SLC2A10: variants seen among roughly 807,000 people sequenced by gnomAD.
The protein encoded by SLC2A10 is solute carrier family 2, facilitated glucose transporter member 10.
A neutral mutation model predicts 32.1 loss-of-function variants in SLC2A10; 25 were observed. That is an observed-to-expected ratio of 0.78 (90% CI 0.57 to 1.09). The LOEUF is 1.09. Among genes scored for constraint, SLC2A10 ranks in the 50% least tolerant of loss-of-function variants. The pLI is 0.00. For missense variants in SLC2A10, 673 were observed against 686.5 expected (o/e 0.98, Z 0.22); for synonymous variants, 332 against 309.6 (o/e 1.07, Z -0.76).
chr20:46,711,139 G>T (rs1978887304), intron 1 of SLC2A10, among the ~76,000 whole-genome samples: 1 of 152,222 alleles, frequency 6.6e-6, no homozygotes, highest in South Asian at 2.1e-4. Context: ...GATTACAGGC[G>T]TGAGCCTCCG....
chr20:46,719,440 T>C (rs1979432915), intron 1 of SLC2A10, among the ~76,000 whole-genome samples: 1 of 152,228 alleles, frequency 6.6e-6, no homozygotes, highest in African/African-American at 2.4e-5. Context: ...CAGTTCCATG[T>C]GTCTGGGGAG....
At chr20:46,717,228 G>GA (rs889246062) in intron 1 of SLC2A10, among the ~76,000 whole-genome samples, 5 of 151,346 alleles carry the variant, frequency 3.3e-5, no homozygotes, top group South Asian at 2.1e-4. Context: ...GGAAAAAATG[G>GA]AAAAAAAACC....
chr20:46,711,947 T>G (rs1600654595), intron 1 of SLC2A10, among the ~76,000 whole-genome samples: 1 of 152,322 alleles, frequency 6.6e-6, no homozygotes, highest in East Asian at 1.9e-4. Flanking sequence ...TTATTTTATA[T>G]TGCACCCAAT....
chr20:46,713,893 G>A (rs918589639), intron 1 of SLC2A10, among the ~76,000 whole-genome samples: 3 of 152,150 alleles, frequency 2.0e-5, no homozygotes, highest in Non-Finnish European at 2.9e-5. Flanking sequence ...ACTCATAAAG[G>A]AACTTGCAGT....
intron 1 of SLC2A10, among the ~76,000 whole-genome samples, chr20:46,711,648 G>C (rs898489122): frequency 6.6e-6 from 1 of 152,174 alleles, no homozygotes; most frequent in Non-Finnish European, 1.5e-5. Context: ...TGTTAGTGCT[G>C]GGGGAGGCAT....
At chr20:46,729,843 C>T (rs1450310093) in intron 4 of SLC2A10, among the ~76,000 whole-genome samples, 1 of 151,750 alleles carries the variant, frequency 6.6e-6, no homozygotes, top group Non-Finnish European at 1.5e-5. Flanking sequence ...GGGGTTTCAC[C>T]GTGGTCTCGA....
In SLC2A10 at chr20:46,731,966, G is replaced by A. The variant is rs141151642; in HGVS notation, c.1548-1790G>A. 1.0e-3 allele frequency among the ~76,000 whole-genome samples: 153 copies of A among 152,340 alleles called. 1 individual carries two copies. Among genetic ancestry groups the A allele is most frequent in the South Asian group, 8.3e-3 (40 of 4,822 alleles). ...CCTAACCCCTAACTTAGCCAGGATA[G>A]GGCAGAGATCCTTGATTGACAGTCC... On this transcript the variant is annotated intron_variant, in intron 4 of 4. Coordinates refer to ENST00000359271, the MANE Select transcript of SLC2A10 (RefSeq NM_030777.4).
At chr20:46,720,950 GA>G (rs1979517326) in intron 1 of SLC2A10, among the ~76,000 whole-genome samples, 1 of 152,174 alleles carries the variant, frequency 6.6e-6, no homozygotes, top group African/African-American at 2.4e-5. Context: ...TCTCTGGGTT[GA>G]ATGGGCTCAG....
In SLC2A10 at chr20:46,709,681, G is replaced by A. The variant is rs1978786362; in HGVS notation, c.-56G>A. On this transcript the variant is annotated 5_prime_UTR_variant, in exon 1 of 5. Transcript: ENST00000359271. Reference sequence around the variant, plus strand: ...GGCAGCGGCGTTGGGGACTCCGGCGGGGGATGCGCGCCCGGCCCCTCAGCG... The same window carrying A: ...GGCAGCGGCGTTGGGGACTCCGGCGAGGGATGCGCGCCCGGCCCCTCAGCG... 5.2e-6 allele frequency: 8 copies of A among 1,534,210 alleles called. No individual in the cohort carries two copies. The highest frequency in any genetic ancestry group is 2.5e-5 in the East Asian group (1 of 39,244).
Position 46,709,744 on chromosome 20 carries a change from A to G in SLC2A10, c.4+4A>G. 6.5e-7 allele frequency: 1 copy of G among 1,547,684 alleles called. No individual in the cohort carries two copies. The highest frequency in any genetic ancestry group is 8.7e-7 in the Non-Finnish European group (1 of 1,146,308). ...CGCCGAGTCCCGCTCGCCATGGGTA[A>G]GTCCCGATCGGGCGCTGCCTGCTGG... On this transcript the variant is annotated splice_donor_region_variant and intron_variant, in intron 1 of 4. Coordinates refer to ENST00000359271, the MANE Select transcript of SLC2A10 (RefSeq NM_030777.4).
rs374470112 is a variant in SLC2A10 at position 46,725,645 on chromosome 20, A to G, written c.609A>G (p.Gly203=). The G allele has an allele frequency of 6.2e-6, 10 of 1,613,874 alleles. No individual in the cohort carries two copies. Among genetic ancestry groups the G allele is most frequent in the Middle Eastern group, 1.6e-4 (1 of 6,084 alleles). ...ACAAGGACCTCATCCCACTCCAGGG[A>G]GGTGAGGCCCCCAAGCTGGGCCCGG... ...ATHKDLIPLQ[G]GEAPKLGPGR... The change falls in exon 2 of 5, where the codon GGA becomes GGG. Residue 203 remains glycine (G), a synonymous_variant. Transcript: ENST00000359271.
At chr20:46,719,237 A>G (rs935735304) in intron 1 of SLC2A10, among the ~76,000 whole-genome samples, 4 of 151,406 alleles carry the variant, frequency 2.6e-5, no homozygotes, top group Non-Finnish European at 5.9e-5. Flanking sequence ...TAGTTTTGCT[A>G]TTTGGCCTGT....
Position 46,725,602 on chromosome 20 carries a change from C to T in SLC2A10, c.566C>T (p.Thr189Ile). ...SLSLLFLPAG[T>I]DETATHKDLI... ...AGCCTCCTCTTCCTCCCTGCTGGTA[C>T]AGATGAGACTGCAACACACAAGGAC... is the stretch of plus-strand genomic sequence containing the variant. Residue 189 changes from threonine (T) to isoleucine (I), a missense_variant, in exon 2 of 5, where the codon ACA (threonine) becomes ATA (isoleucine). Thr to Ile is a moderately conservative substitution (Grantham distance 89). Coordinates refer to ENST00000359271, the MANE Select transcript of SLC2A10 (RefSeq NM_030777.4). 1.2e-6 allele frequency: 2 copies of T among 1,614,194 alleles called. No homozygotes were observed. Among genetic ancestry groups the T allele is most frequent in the Non-Finnish European group, 1.7e-6 (2 of 1,180,030 alleles).
chr20:46,724,682 GGATGGATA>G (rs1203079276), intron 1 of SLC2A10, among the ~76,000 whole-genome samples: 4 of 151,312 alleles, frequency 2.6e-5, no homozygotes, highest in Non-Finnish European at 3.0e-5. Context: ...TGGTTGGAGT[GGATGGATA>G]GATGGATAGA....
chr20:46,710,234 A>G (rs1978830576), intron 1 of SLC2A10: 1 of 401,800 alleles, frequency 2.5e-6, no homozygotes, highest in Non-Finnish European at 4.4e-6. Context: ...AGAGAAGGAG[A>G]TTCTAACACA....
At position 46,725,756 on chromosome 20, in the gene SLC2A10, C is replaced by A. The variant is rs374985824; in HGVS notation, c.720C>A (p.Leu240=). 1.7e-5 allele frequency: 28 copies of A among 1,614,088 alleles called. No homozygotes were observed. Among genetic ancestry groups the A allele is most frequent in the Non-Finnish European group, 2.3e-5 (27 of 1,180,040 alleles). ...CCACAGTGGGCCTGGGGCTGGTGCT[C>A]TTCCAGCAACTAACAGGGCAGCCCA... The part of the protein sequence containing the change: ...GRTTVGLGLV[L]FQQLTGQPNV... The change falls in exon 2 of 5, where the codon CTC becomes CTA. Residue 240 remains leucine, a synonymous_variant. Coordinates refer to ENST00000359271, the MANE Select transcript of SLC2A10 (RefSeq NM_030777.4).
intron 1 of SLC2A10, among the ~76,000 whole-genome samples, chr20:46,719,027 C>T (rs1385680596): frequency 6.6e-6 from 1 of 152,246 alleles, no homozygotes; most frequent in African/African-American, 2.4e-5. Context: ...AGTGATCCTC[C>T]TGCTTTGGCC....
rs780949856 is a variant in SLC2A10 at position 46,725,367 on chromosome 20, G to A, written c.331G>A (p.Ala111Thr). ...CCTGGGCCGCGCTGTGGTTGGCTTC[G>A]CCATTTCCCTCTCCTCCATGGCTTG... ...LVLGRAVVGF[A>T]ISLSSMACCI... is the part of the protein sequence containing the mutation. The change falls in exon 2 of 5, where the codon GCC becomes ACC. Residue 111 changes from alanine (A) to threonine (T), a missense_variant. By Grantham distance (58) the Ala-to-Thr change is moderately conservative. Coordinates refer to ENST00000359271, the MANE Select transcript of SLC2A10 (RefSeq NM_030777.4). The A allele has an allele frequency of 8.7e-6, 14 of 1,614,052 alleles. No homozygotes were observed. The highest frequency in any genetic ancestry group is 2.2e-5 in the East Asian group (1 of 44,862).
intron 2 of SLC2A10, 63 bp from the exon 3 acceptor site, chr20:46,726,801 C>T (rs1307084999): frequency 6.2e-7 from 1 of 1,610,982 alleles, no homozygotes; most frequent in Non-Finnish European, 8.5e-7. Flanking sequence ...GCATGTTTGA[C>T]CTGATGGTGC....
Sources: allele counts gnomAD v4.1 joint callset (sites outside exome capture counted in the v4.1 genomes callset), GRCh38; gene constraint gnomAD v4.1.1; transcripts MANE v1.5; gene names NCBI Gene and HGNC (gene_info 2026-07-23, HGNC 2026-07-21).